Variants in SHISA6 observed in about 807,000 individuals in gnomAD.
The protein encoded by SHISA6 is shisa family member 6, also known as protein shisa-6.
SHISA6 carries 22 observed loss-of-function variants against 47.9 expected under a neutral mutation model. The observed-to-expected ratio is 0.46, with a 90% CI of 0.33 to 0.66. SHISA6 has a LOEUF of 0.66. SHISA6 is among the 30% of genes least tolerant of loss of function. The probability of loss-of-function intolerance (pLI) is 0.02; values close to 1 mark genes in which losing one functional copy is unlikely to be tolerated. For missense variants in SHISA6, 680 were observed against 764.6 expected, an observed-to-expected ratio of 0.89 and a Z score of 1.30; for synonymous variants, 388 against 337.8, an observed-to-expected ratio of 1.15 and a Z score of -1.63.
intron 3 of SHISA6, among the ~76,000 whole-genome samples, chr17:11,489,034 C>G (rs1262829692): frequency 6.6e-6 from 1 of 152,156 alleles, no homozygotes; most frequent in East Asian, 1.9e-4. Context: ...TTGGAGCCTC[C>G]TTGTCTAGAT....
rs1180764892 is a variant in SHISA6, at chr17:11,290,989, A to C, written c.799+27463A>C. 4.6e-5 allele frequency among the ~76,000 whole-genome samples: 7 copies of C among 150,964 alleles called. No individual in the cohort carries two copies. In the East Asian group the frequency reaches 9.7e-4, roughly 21 times the overall value. Reference sequence around the variant, plus strand: ...TCCATTTATTATTAATTTAATAATAAATTTATTAATAATTTAATAATTTAT... The same window carrying C: ...TCCATTTATTATTAATTTAATAATACATTTATTAATAATTTAATAATTTAT... On this transcript the variant is annotated intron_variant, in intron 2 of 5. Transcript: ENST00000441885.
At chr17:11,492,636 C>G (rs142951873) in intron 3 of SHISA6, among the ~76,000 whole-genome samples, 9 of 152,268 alleles carry the variant, frequency 5.9e-5, no homozygotes, top group Admixed American at 5.2e-4. Context: ...ACACTTATGT[C>G]TCCTCTCTAC....
chr17:11,549,879 A>G (rs1300477795), intron 3 of SHISA6, among the ~76,000 whole-genome samples: 1 of 152,170 alleles, frequency 6.6e-6, no homozygotes, highest in African/African-American at 2.4e-5. Context: ...ATGTTTTTTA[A>G]TCTCTCTGGA....
chr17:11,303,735 C>G (rs1185703657), intron 2 of SHISA6, among the ~76,000 whole-genome samples: 1 of 152,202 alleles, frequency 6.6e-6, no homozygotes, highest in African/African-American at 2.4e-5. Flanking sequence ...CACTCAAAGA[C>G]CCTTCTCTGC....
chr17:11,515,712 T>C (rs1220791601), intron 3 of SHISA6, among the ~76,000 whole-genome samples: 1 of 152,026 alleles, frequency 6.6e-6, no homozygotes, highest in Non-Finnish European at 1.5e-5. Context: ...GCCTCCCTCC[T>C]CACAACACTG....
intron 3 of SHISA6, among the ~76,000 whole-genome samples, chr17:11,501,669 G>T (rs2071454803): frequency 6.6e-6 from 1 of 152,098 alleles, no homozygotes; most frequent in African/African-American, 2.4e-5. Context: ...ACAAAGTGGT[G>T]CTTCTTGAGC....
chr17:11,496,015 A>T (rs2071405921), intron 3 of SHISA6, among the ~76,000 whole-genome samples: 1 of 151,818 alleles, frequency 6.6e-6, no homozygotes. Flanking sequence ...CCATCCATCC[A>T]TCCATCCATC....
chr17:11,381,308 G>T (rs1027948204), intron 3 of SHISA6, among the ~76,000 whole-genome samples: 1 of 152,130 alleles, frequency 6.6e-6, no homozygotes, highest in Non-Finnish European at 1.5e-5. Context: ...ATGGCTTTGG[G>T]TTCATGCTTT....
intron 1 of SHISA6, among the ~76,000 whole-genome samples, chr17:11,259,268 C>G (rs1012598472): frequency 6.6e-6 from 1 of 152,138 alleles, no homozygotes; most frequent in Admixed American, 6.5e-5. Flanking sequence ...GAATTCAGCA[C>G]TTACTAGCTG....
chr17:11,275,509 C>G (rs564228141), intron 2 of SHISA6, among the ~76,000 whole-genome samples: 1 of 152,142 alleles, frequency 6.6e-6, no homozygotes, highest in African/African-American at 2.4e-5. Context: ...AAAACAAAGT[C>G]CCTAGTCTCA....
intron 2 of SHISA6, among the ~76,000 whole-genome samples, chr17:11,277,318 A>ACACACACACACACC (rs1389004430): frequency 2.5e-4 from 32 of 127,968 alleles, no homozygotes; most frequent in African/African-American, 5.8e-4. Context: ...ACACACACAC[A>ACACACACACACACC]CCCCGCATGT....
intron 3 of SHISA6, among the ~76,000 whole-genome samples, chr17:11,515,366 G>GGA (rs1567626495): frequency 7.8e-6 from 1 of 127,688 alleles, no homozygotes; most frequent in African/African-American, 3.1e-5. Flanking sequence ...GGAAGGAAGG[G>GGA]AGAGAAAATG....
chr17:11,390,449 C>T (rs1186204284), intron 3 of SHISA6, among the ~76,000 whole-genome samples: 3 of 152,194 alleles, frequency 2.0e-5, no homozygotes, highest in South Asian at 2.1e-4. Flanking sequence ...GGATGATGCA[C>T]AGACCAGCCA....
Position 11,355,720 on chromosome 17 carries a change from G to A in SHISA6, c.800-23694G>A, listed in dbSNP as rs12325711. Among the ~76,000 whole-genome samples the A allele has an allele frequency of 4.6e-5, 7 of 152,160 alleles. No individual in the cohort carries two copies. In the South Asian group the frequency reaches 1.0e-3, roughly 23 times the overall value. On this transcript the variant is annotated intron_variant, in intron 2 of 5. Coordinates refer to ENST00000441885, the MANE Select transcript of SHISA6 (RefSeq NM_207386.4). Reference sequence around the variant, plus strand: ...ATTGAAAACTGGCTGGAAAGGGAACGGATGAGCTTGAATCCACATCGGCCA... The same window carrying A: ...ATTGAAAACTGGCTGGAAAGGGAACAGATGAGCTTGAATCCACATCGGCCA...
chr17:11,251,455 C>G (rs1267066180), intron 1 of SHISA6, among the ~76,000 whole-genome samples: 1 of 151,750 alleles, frequency 6.6e-6, no homozygotes, highest in Non-Finnish European at 1.5e-5. Flanking sequence ...ATTGAAAGAA[C>G]CCCTGGGCAA....
At chr17:11,244,905 A>G (rs1366652631) in intron 1 of SHISA6, among the ~76,000 whole-genome samples, 1 of 152,130 alleles carries the variant, frequency 6.6e-6, no homozygotes, top group Non-Finnish European at 1.5e-5. Context: ...GGAGAGGGAC[A>G]TTTATGGGAG....
chr17:11,354,326 C>T (rs752664919), intron 2 of SHISA6, among the ~76,000 whole-genome samples: 18 of 152,148 alleles, frequency 1.2e-4, no homozygotes, highest in Non-Finnish European at 2.5e-4. Context: ...ATTGCTGCTG[C>T]TCCAAGGAGC....
At chr17:11,481,334 ATATGTGTGTG>A (rs1445198223) in intron 3 of SHISA6, among the ~76,000 whole-genome samples, 1 of 94,722 alleles carries the variant, frequency 1.1e-5, no homozygotes, top group African/African-American at 4.6e-5. Context: ...CAAAAAATAT[ATATGTGTGTG>A]TGTGTGTGTG....
At position 11,298,502 on chromosome 17, in the gene SHISA6, G is replaced by C. The variant is rs181263700; in HGVS notation, c.799+34976G>C. ...CACAGCTAGAGCCTGGAGCCTGTTG[G>C]ACATGCAGATATTATCATGATAGAC... On this transcript the variant is annotated intron_variant, in intron 2 of 5. Coordinates refer to ENST00000441885, the MANE Select transcript of SHISA6 (RefSeq NM_207386.4). Among the ~76,000 whole-genome samples the C allele has an allele frequency of 1.6e-4, 25 of 152,354 alleles. No individual in the cohort carries two copies. In the East Asian group the frequency reaches 3.9e-3, roughly 24 times the overall value.
Sources: allele counts gnomAD v4.1 joint callset (sites outside exome capture counted in the v4.1 genomes callset), GRCh38; gene constraint gnomAD v4.1.1; transcripts MANE v1.5; gene names NCBI Gene and HGNC (gene_info 2026-07-23, HGNC 2026-07-21).